Variants in RYR2 observed in about 807,000 individuals in gnomAD.
The protein encoded by RYR2 is cardiac muscle ryanodine receptor-calcium release channel.
RYR2 carries 227 observed loss-of-function variants against 601.1 expected under a neutral mutation model. The ratio of observed to expected loss-of-function variants is 0.38; its 90% CI spans 0.34 to 0.42. The LOEUF is 0.42. RYR2 is among the 10% of genes least tolerant of loss of function. The pLI is 1.00. For synonymous variants in RYR2, 2,223 were observed against 2,175.1 expected (o/e 1.02, Z -0.61); for missense variants, 4,646 against 6,156.5 (o/e 0.75, Z 8.21).
At chr1:237,240,546 G>C (rs927457320) in intron 1 of RYR2, among the ~76,000 whole-genome samples, 1 of 151,260 alleles carries the variant, frequency 6.6e-6, no homozygotes, top group Admixed American at 6.6e-5. Flanking sequence ...ATGATAAAAT[G>C]AGCGTGTTCT....
intron 1 of RYR2, among the ~76,000 whole-genome samples, chr1:237,127,330 A>C (rs1464636668): frequency 6.6e-6 from 1 of 151,030 alleles, no homozygotes; most frequent in African/African-American, 2.4e-5. Context: ...GTGGCCGGGC[A>C]GAGGGGCTCC....
chr1:237,665,703 G>A (rs1191980138), intron 56 of RYR2, among the ~76,000 whole-genome samples: 8 of 152,122 alleles, frequency 5.3e-5, no homozygotes, highest in Non-Finnish European at 1.0e-4. Flanking sequence ...GTTAAGTATC[G>A]CTCATGAGCC....
At chr1:237,143,817 C>G (rs901584770) in intron 1 of RYR2, among the ~76,000 whole-genome samples, 3 of 152,118 alleles carry the variant, frequency 2.0e-5, no homozygotes, top group Non-Finnish European at 2.9e-5. Flanking sequence ...ATCTCCCAAC[C>G]CAGTAAACTA....
At chr1:237,582,232 A>G (rs572517230) in intron 29 of RYR2, among the ~76,000 whole-genome samples, 1 of 151,814 alleles carries the variant, frequency 6.6e-6, no homozygotes, top group East Asian at 2.0e-4. Context: ...CTTCCTGAGT[A>G]GCTGGGATTA....
chr1:237,805,200 A>G (rs189503370), intron 98 of RYR2, among the ~76,000 whole-genome samples: 37 of 152,330 alleles, frequency 2.4e-4, no homozygotes, highest in African/African-American at 8.9e-4. Context: ...ACTGTTTTAA[A>G]GGAGGATGAC....
At chr1:237,728,854 G>A (rs553920135) in intron 76 of RYR2, among the ~76,000 whole-genome samples, 1 of 152,106 alleles carries the variant, frequency 6.6e-6, no homozygotes, top group East Asian at 1.9e-4. Flanking sequence ...AAACCTAGAA[G>A]ATGGGTTGAT....
intron 94 of RYR2, among the ~76,000 whole-genome samples, chr1:237,793,631 C>G (rs1658724775): frequency 1.3e-5 from 2 of 151,960 alleles, no homozygotes; most frequent in South Asian, 4.2e-4. Flanking sequence ...TCTATAAGAC[C>G]CTATGTGTTT....
intron 1 of RYR2, among the ~76,000 whole-genome samples, chr1:237,221,197 A>G (rs897278897): frequency 1.3e-5 from 2 of 152,182 alleles, no homozygotes; most frequent in African/African-American, 4.8e-5. Flanking sequence ...ATATGTTTAT[A>G]TTTTTGAAAA....
In RYR2 at chr1:237,148,954, A is replaced by C. The variant is rs543861837; in HGVS notation, c.48+106385A>C. ...CAGCCCCCTACCCCAAATTTTGTGA[A>C]TTCTTCAGGTTCATACATTTTTGTT... is the stretch of plus-strand genomic sequence containing the variant. On this transcript the variant is annotated intron_variant, in intron 1 of 104. Coordinates refer to ENST00000366574, the MANE Select transcript of RYR2 (RefSeq NM_001035.3). Among the ~76,000 whole-genome samples, 130 of 152,184 alleles carry C rather than the reference A, an allele frequency of 8.5e-4. 1 individual carries two copies. The highest frequency in any genetic ancestry group is 3.0e-3 in the African/African-American group (123 of 41,534).
At chr1:237,666,849 G>T (rs1441601255) in intron 57 of RYR2, among the ~76,000 whole-genome samples, 1 of 151,938 alleles carries the variant, frequency 6.6e-6, no homozygotes, top group Non-Finnish European at 1.5e-5. Context: ...GGCAGAGGTT[G>T]CAGTGAGCTG....
chr1:237,657,937 C>T lies in RYR2; in HGVS notation c.8130-7C>T, dbSNP rs1326912929. On this transcript the variant is annotated splice_polypyrimidine_tract_variant and splice_region_variant and intron_variant, in intron 53 of 104. Transcript: ENST00000366574. ...ATCAAGCTCTTTTGTCTTTACTTTT[C>T]TCATAGTATTACAATTCCTGAGAAA... 2 of 1,448,846 alleles carry T rather than the reference C, an allele frequency of 1.4e-6. No homozygotes were observed. Among genetic ancestry groups the T allele is most frequent in the Non-Finnish European group, 1.9e-6 (2 of 1,074,610 alleles). 89.7% of individuals were successfully genotyped at this position (1,448,846 alleles called of 1,614,324 possible). A position where few individuals can be genotyped will look rare whatever the true frequency, so the allele number is the denominator to read the frequency against.
intron 56 of RYR2, among the ~76,000 whole-genome samples, chr1:237,665,225 C>G (rs1684199081): frequency 6.6e-6 from 1 of 151,756 alleles, no homozygotes; most frequent in Non-Finnish European, 1.5e-5. Context: ...ATGGTGAAAC[C>G]CCGTCTCTAC....
chr1:237,367,774 C>G (rs116364255), intron 5 of RYR2, among the ~76,000 whole-genome samples: 2 of 152,178 alleles, frequency 1.3e-5, no homozygotes, highest in African/African-American at 4.8e-5. Context: ...ATTGCTTCCT[C>G]CTTCTTACAC....
rs201551990 is a variant in RYR2 at position 237,337,130 on chromosome 1, TA to T, written c.273+6150del. On this transcript the variant is annotated intron_variant, in intron 3 of 104. Coordinates refer to ENST00000366574, the MANE Select transcript of RYR2 (RefSeq NM_001035.3). ...AGCCAGACGTGGTGACACGTGCCTGTAATCCCAGCTACTTGGGAGGCTGAGG... is the reference window on the plus strand; with the variant it reads ...AGCCAGACGTGGTGACACGTGCCTGTATCCCAGCTACTTGGGAGGCTGAGG... Among the ~76,000 whole-genome samples the T allele has an allele frequency of 3.2e-4, 49 of 151,558 alleles. No homozygotes were observed. The East Asian group carries it at 9.5e-3, about 29-fold the overall frequency.
chr1:237,384,804 C>T (rs1174648968), intron 8 of RYR2, among the ~76,000 whole-genome samples: 1 of 152,190 alleles, frequency 6.6e-6, no homozygotes, highest in Non-Finnish European at 1.5e-5. Context: ...GTGTTCTCTC[C>T]TTACAATTCC....
At position 237,300,412 on chromosome 1, in the gene RYR2, G is replaced by C. The variant is rs748351017; in HGVS notation, c.168+29796G>C. 1.8e-4 allele frequency among the ~76,000 whole-genome samples: 28 copies of C among 152,190 alleles called. 1 individual carries two copies. The highest frequency in any genetic ancestry group is 3.4e-3 in the Middle Eastern group (1 of 294). The stretch of plus-strand genomic sequence containing the variant: ...CTTATTCTATTAACATGGCTATCTT[G>C]GGACTATACCGTACTTCCTTTTGCA... On this transcript the variant is annotated intron_variant, in intron 2 of 104. Transcript: ENST00000366574.
intron 40 of RYR2, 129 bp from the exon 41 acceptor site, chr1:237,627,678 T>C: frequency 1.1e-6 from 1 of 906,138 alleles, no homozygotes; most frequent in African/African-American, 1.7e-5. Context: ...TCAAAGAATA[T>C]CTAGAGCCTT....
chr1:237,052,349 A>T (rs2148152835), intron 1 of RYR2, among the ~76,000 whole-genome samples: 1 of 152,320 alleles, frequency 6.6e-6, no homozygotes. Flanking sequence ...GGGCTCCAAA[A>T]CTCACGGAGT....
At chr1:237,616,119 G>T (rs1678434906) in intron 37 of RYR2, among the ~76,000 whole-genome samples, 1 of 152,128 alleles carries the variant, frequency 6.6e-6, no homozygotes, top group Non-Finnish European at 1.5e-5. Context: ...GCTCAGAGGA[G>T]GGTGGGGCAA....
Sources: allele counts gnomAD v4.1 joint callset (sites outside exome capture counted in the v4.1 genomes callset), GRCh38; gene constraint gnomAD v4.1.1; transcripts MANE v1.5; gene names NCBI Gene and HGNC (gene_info 2026-07-23, HGNC 2026-07-21).